The following ME3 variants were observed in gnomAD, a reference collection of about 807,000 sequenced individuals.
ME3 encodes the protein malic enzyme 3.
Under a neutral mutation model 68.9 loss-of-function variants are expected in ME3, and 48 were observed. The observed-to-expected ratio is 0.70, with a 90% CI of 0.55 to 0.89. The LOEUF (loss-of-function observed/expected upper bound fraction) is 0.89. Among genes scored for constraint, ME3 ranks in the 40% least tolerant of loss-of-function variants. The pLI is 0.00. For missense variants in ME3, 675 were observed against 797.4 expected (o/e 0.85, Z 1.85); for synonymous variants, 320 against 318.8 (o/e 1.00, Z -0.04).
In ME3 at chr11:86,532,378, T is replaced by C. The variant is rs543519159; in HGVS notation, c.468-23511A>G. Among the ~76,000 whole-genome samples, 46 of 152,210 alleles carry C rather than the reference T, an allele frequency of 3.0e-4. 1 individual carries two copies. Among genetic ancestry groups the C allele is most frequent in the Non-Finnish European group, 5.1e-4 (35 of 68,038 alleles). ...TTTGAACAAAATGGATCTACAGATA[T>C]ATACAGAACATTTCTTCCAACTGCA... is the stretch of plus-strand genomic sequence containing the variant. On this transcript the variant is annotated intron_variant, in intron 4 of 14. Transcript: ENST00000543262.
intron 2 of ME3, among the ~76,000 whole-genome samples, chr11:86,636,439 G>A (rs989432244): frequency 3.9e-5 from 6 of 152,114 alleles, no homozygotes; most frequent in Non-Finnish European, 5.9e-5. Context: ...GAAGAGTAGT[G>A]GCTGAGCACT....
intron 12 of ME3, 96 bp from the exon 13 acceptor site, chr11:86,446,583 A>T: frequency 8.3e-7 from 1 of 1,211,344 alleles, no homozygotes. Flanking sequence ...ACCCTTCTTC[A>T]TCCTCTCCCA....
In ME3 at chr11:86,672,199, C is replaced by A. The variant is rs1946998567; in HGVS notation, c.-15+125G>T. Reference sequence around the variant, plus strand: ...CCAAGCCCTGGAAGCAGATCCGGTGCGGGTGACAGCCGGCGCCACCCCTGC... The same window carrying A: ...CCAAGCCCTGGAAGCAGATCCGGTGAGGGTGACAGCCGGCGCCACCCCTGC... On this transcript the variant is annotated intron_variant, in intron 1 of 14. Transcript: ENST00000543262. 7.2e-6 allele frequency: 3 copies of A among 415,722 alleles called. No homozygotes were observed. In the Admixed American group the frequency reaches 1.4e-4, roughly 19 times the overall value. 25.8% of individuals were successfully genotyped at this position (415,722 alleles called of 1,614,324 possible). A position where few individuals can be genotyped will look rare whatever the true frequency, so the allele number is the denominator to read the frequency against.
chr11:86,543,128 C>G (rs548391352), intron 4 of ME3, among the ~76,000 whole-genome samples: 25 of 152,292 alleles, frequency 1.6e-4, no homozygotes, highest in African/African-American at 6.0e-4. Context: ...ACCCTCAGGC[C>G]TGTCTTACAA....
At chr11:86,508,538 A>G (rs1252652311) in intron 5 of ME3, among the ~76,000 whole-genome samples, 1 of 152,210 alleles carries the variant, frequency 6.6e-6, no homozygotes, top group African/African-American at 2.4e-5. Context: ...GCAAGGACTC[A>G]ACACATGCTG....
chr11:86,512,147 A>T (rs1953574348), intron 4 of ME3, among the ~76,000 whole-genome samples: 2 of 152,170 alleles, frequency 1.3e-5, no homozygotes, highest in South Asian at 4.1e-4. Context: ...TTTTGTCTGT[A>T]CAGTGGGCAA....
intron 2 of ME3, among the ~76,000 whole-genome samples, chr11:86,601,502 A>G (rs894869818): frequency 1.2e-4 from 18 of 152,324 alleles, no homozygotes; most frequent in Non-Finnish European, 2.4e-4. Context: ...AGATGGATTC[A>G]CAGCCGAATT....
intron 4 of ME3, among the ~76,000 whole-genome samples, chr11:86,525,034 G>A (rs1273251697): frequency 2.6e-5 from 4 of 152,188 alleles, no homozygotes; most frequent in Non-Finnish European, 5.9e-5. Context: ...TCTCTGGTCA[G>A]GGATAAGTTC....
intron 2 of ME3, among the ~76,000 whole-genome samples, chr11:86,572,890 C>A (rs2139560147): frequency 6.6e-6 from 1 of 152,272 alleles, no homozygotes; most frequent in South Asian, 2.1e-4. Flanking sequence ...ATTTGCAATC[C>A]CACCAACAGT....
chr11:86,452,831 A>G lies in ME3; in HGVS notation c.920-2433T>C, dbSNP rs545950264. On this transcript the variant is annotated intron_variant, in intron 8 of 14. Coordinates refer to ENST00000543262, the Ensembl canonical transcript of ME3. Reference sequence around the variant, plus strand: ...CAAATGTGACTGAATTTTATGAGCTATTAATTCTGCTTAGAGGTGGATACA... The same window carrying G: ...CAAATGTGACTGAATTTTATGAGCTGTTAATTCTGCTTAGAGGTGGATACA... Among the ~76,000 whole-genome samples, 15 of 152,304 alleles carry G rather than the reference A, an allele frequency of 9.8e-5. No individual in the cohort carries two copies. The South Asian group carries it at 3.1e-3, about 32-fold the overall frequency.
chr11:86,613,277 T>C lies in ME3; in HGVS notation c.184-53454A>G, dbSNP rs533440437. ...TTCCATTGATCTATGTGTCCCTTTA[T>C]GTTAAAAACTCTCAATAAACTAGGT... On this transcript the variant is annotated intron_variant, in intron 2 of 14. Coordinates refer to ENST00000543262, the Ensembl canonical transcript of ME3. Among the ~76,000 whole-genome samples, 42 of 152,176 alleles carry C rather than the reference T, an allele frequency of 2.8e-4. No homozygotes were observed. In the South Asian group the frequency reaches 8.7e-3, roughly 32 times the overall value.
intron 2 of ME3, among the ~76,000 whole-genome samples, chr11:86,598,515 G>A (rs1358304519): frequency 6.6e-6 from 1 of 152,204 alleles, no homozygotes; most frequent in African/African-American, 2.4e-5. Flanking sequence ...TCCACCTCTG[G>A]GGGCAGGGCA....
At chr11:86,648,550 T>C (rs1404805718) in intron 2 of ME3, among the ~76,000 whole-genome samples, 1 of 151,292 alleles carries the variant, frequency 6.6e-6, no homozygotes, top group Non-Finnish European at 1.5e-5. Flanking sequence ...AGGGAACTGG[T>C]TCTTTGGAAA....
intron 5 of ME3, among the ~76,000 whole-genome samples, chr11:86,499,982 C>T (rs929146770): frequency 1.3e-5 from 2 of 152,202 alleles, no homozygotes; most frequent in Non-Finnish European, 2.9e-5. Context: ...TGTGACAGGG[C>T]AGGGTTCCTG....
chr11:86,626,351 T>G (rs1943662982), intron 2 of ME3, among the ~76,000 whole-genome samples: 2 of 152,342 alleles, frequency 1.3e-5, no homozygotes, highest in Admixed American at 6.5e-5. Context: ...AGGGAATGCT[T>G]CTTCACCTGG....
At chr11:86,669,773 G>A (rs768347928) in intron 2 of ME3, among the ~76,000 whole-genome samples, 4 of 152,130 alleles carry the variant, frequency 2.6e-5, no homozygotes, top group African/African-American at 4.8e-5. Flanking sequence ...AGAGGCAAAC[G>A]ACAGGGGCAA....
intron 5 of ME3, among the ~76,000 whole-genome samples, chr11:86,501,202 C>A (rs967764696): frequency 3.2e-5 from 3 of 92,312 alleles, no homozygotes; most frequent in African/African-American, 7.1e-5. Flanking sequence ...TAATACTTAA[C>A]TCCTCAGGTT....
At chr11:86,590,109 T>C (rs1370270295) in intron 2 of ME3, among the ~76,000 whole-genome samples, 1 of 152,178 alleles carries the variant, frequency 6.6e-6, no homozygotes, top group Non-Finnish European at 1.5e-5. Flanking sequence ...CACAGATGAG[T>C]TGGTCATAGA....
At chr11:86,594,577 C>T (rs1959186817) in intron 2 of ME3, among the ~76,000 whole-genome samples, 1 of 145,338 alleles carries the variant, frequency 6.9e-6, no homozygotes, top group South Asian at 2.3e-4. Flanking sequence ...TGCTTATAGC[C>T]CAGCTACTTG....
Sources: gnomAD v4.1 joint callset for allele counts (sites outside exome capture counted in the v4.1 genomes callset) on GRCh38, gnomAD v4.1.1 for gene constraint, MANE v1.5 for transcripts, NCBI Gene and HGNC (gene_info 2026-07-23, HGNC 2026-07-21) for gene names.